Variants in SMC4 observed in about 807,000 individuals in gnomAD.
SMC4 encodes the protein structural maintenance of chromosomes protein 4.
Under a neutral mutation model 145.6 loss-of-function variants are expected in SMC4, and 87 were observed. The observed-to-expected ratio is 0.60, with a 90% CI of 0.50 to 0.71. The LOEUF is 0.71. SMC4 is among the 30% of genes least tolerant of loss of function. The pLI is 0.00. For synonymous variants in SMC4, 558 were observed against 500.7 expected (o/e 1.11, Z -1.53); for missense variants, 1,447 against 1,537.1 (o/e 0.94, Z 0.98).
At chr3:160,425,495 GT>G (rs1253784000) in intron 16 of SMC4, among the ~76,000 whole-genome samples, 2 of 151,504 alleles carry the variant, frequency 1.3e-5, no homozygotes, top group Admixed American at 6.6e-5. Context: ...TGTGCATATG[GT>G]TTTTTTAATG....
intron 9 of SMC4, 125 bp from the exon 10 acceptor site, chr3:160,416,126 T>G (rs113627073): frequency 1.8e-6 from 1 of 543,488 alleles, no homozygotes; most frequent in East Asian, 3.2e-5. Context: ...GCTAGCTAAT[T>G]TAACTCTGAT....
intron 19 of SMC4, 139 bp downstream of exon 19, chr3:160,430,882 T>G: frequency 8.2e-7 from 1 of 1,224,088 alleles, no homozygotes; most frequent in Non-Finnish European, 1.1e-6. Context: ...ATTTGTACAA[T>G]AAGAATACTA....
intron 5 of SMC4, 190 bp downstream of exon 5, chr3:160,404,694 A>G (rs1200925064): frequency 2.7e-6 from 2 of 737,238 alleles, no homozygotes; most frequent in South Asian, 2.7e-5. Flanking sequence ...ATTCAAAACT[A>G]TGTTTTCATC....
intron 5 of SMC4, among the ~76,000 whole-genome samples, chr3:160,406,612 A>G (rs183016923): frequency 1.3e-5 from 2 of 152,220 alleles, no homozygotes; most frequent in Non-Finnish European, 2.9e-5. Flanking sequence ...CATGTAGACT[A>G]TTTGGCCAGT....
At chr3:160,418,907 G>T (rs1008785180) in intron 11 of SMC4, among the ~76,000 whole-genome samples, 9 of 152,028 alleles carry the variant, frequency 5.9e-5, no homozygotes, top group Non-Finnish European at 1.3e-4. Flanking sequence ...CGTTTCAGAG[G>T]TGTGCTTTTT....
At chr3:160,419,691 C>T in intron 12 of SMC4, 148 bp downstream of exon 12, 5 of 736,632 alleles carry the variant, frequency 6.8e-6, no homozygotes, top group Non-Finnish European at 1.0e-5. Flanking sequence ...TATTTTTAAA[C>T]ATTTTGCCCT....
chr3:160,400,735 G>T, intron 1 of SMC4, 87 bp from the exon 2 acceptor site: 1 of 1,378,034 alleles, frequency 7.3e-7, no homozygotes, highest in Non-Finnish European at 9.4e-7. Context: ...GCTCTCGGAA[G>T]CCGGTGGACC....
Position 160,416,362 on chromosome 3 carries a change from G to A in SMC4, c.1384G>A (p.Glu462Lys). Residue 462 changes from glutamate (E) to lysine (K), a missense_variant, in exon 10 of 24, where the codon GAA becomes AAA. By Grantham distance (56) the Glu-to-Lys change is moderately conservative. Transcript: ENST00000357388. Reference protein sequence around the residue: ...EKEKEEKKLKEVMDSLKQETQ... With the variant: ...EKEKEEKKLKKVMDSLKQETQ... ...AGAGAAAGAAGAAAAAAAATTAAAG[G>A]AAGTTATGGATAGCCTTAAACAGGA... 6.2e-7 allele frequency: 1 copy of A among 1,600,578 alleles called. No individual in the cohort carries two copies. The highest frequency in any genetic ancestry group is 8.5e-7 in the Non-Finnish European group (1 of 1,173,852).
chr3:160,418,401 G>C (rs1190189475), intron 11 of SMC4, among the ~76,000 whole-genome samples: 1 of 152,014 alleles, frequency 6.6e-6, no homozygotes, highest in East Asian at 1.9e-4. Context: ...TAGCTTATCG[G>C]TGCCTGTCCC....
At chr3:160,414,334 A>G in intron 8 of SMC4, 33 bp from the exon 9 acceptor site, 1 of 1,549,046 alleles carries the variant, frequency 6.5e-7, no homozygotes, top group Non-Finnish European at 8.9e-7. Context: ...TGCACATTCA[A>G]AATAATGACT....
chr3:160,433,298 GCTTTTTCTTT>G, intron 23 of SMC4, 89 bp downstream of exon 23: 1 of 925,644 alleles, frequency 1.1e-6, no homozygotes, highest in Non-Finnish European at 1.6e-6. Context: ...TTACAATTGA[GCTTTTTCTTT>G]ATTGTCTAAT....
chr3:160,409,048 C>T (rs1024886973), intron 5 of SMC4, among the ~76,000 whole-genome samples: 17 of 151,436 alleles, frequency 1.1e-4, no homozygotes, highest in African/African-American at 2.9e-4. Context: ...GGGCGGATCA[C>T]GAGGTCAGGA....
intron 17 of SMC4, among the ~76,000 whole-genome samples, chr3:160,427,152 T>C (rs1369378475): frequency 1.3e-5 from 2 of 152,208 alleles, no homozygotes; most frequent in Non-Finnish European, 2.9e-5. Context: ...GGCACTCAAA[T>C]AGTATCTGCT....
Position 160,430,866 on chromosome 3 carries a change from A to AC in SMC4, c.2940+123_2940+124insC, listed in dbSNP as rs1718329267. ...TAGACTTAAAGTTTTATAACTATCAATTTTTATTTGTACAATAAGAATACT... is the reference window on the plus strand; with the variant it reads ...TAGACTTAAAGTTTTATAACTATCAACTTTTTATTTGTACAATAAGAATACT... On this transcript the variant is annotated intron_variant, in intron 19 of 23. Coordinates refer to ENST00000357388, the MANE Select transcript of SMC4 (RefSeq NM_001002800.3). 3 of 1,267,962 alleles carry AC rather than the reference A, an allele frequency of 2.4e-6. No homozygotes were observed. The African/African-American group carries it at 4.6e-5, about 19-fold the overall frequency. 78.5% of individuals were successfully genotyped at this position (1,267,962 alleles called of 1,614,324 possible).
chr3:160,423,299 G>A (rs559536916), intron 13 of SMC4, 126 bp from the exon 14 acceptor site: 1 of 716,340 alleles, frequency 1.4e-6, no homozygotes, highest in Non-Finnish European at 2.2e-6. Flanking sequence ...TCTAATTTTA[G>A]AACCTTTTGT....
chr3:160,429,774 T>TGGCGCGATCTCGGCTCACTGCAGC (rs1718187560), intron 18 of SMC4, among the ~76,000 whole-genome samples: 1 of 150,840 alleles, frequency 6.6e-6, no homozygotes. Flanking sequence ...TGGAGTACAG[T>TGGCGCGATCTCGGCTCACTGCAGC]GGCGCGATCT....
In SMC4 at chr3:160,433,121, A is replaced by C. The variant is rs1718589222; in HGVS notation, c.3626A>C (p.His1209Pro). 6.2e-7 allele frequency: 1 copy of C among 1,613,420 alleles called. No individual in the cohort carries two copies. Among genetic ancestry groups the C allele is most frequent in the Non-Finnish European group, 8.5e-7 (1 of 1,179,422 alleles). The change falls in exon 23 of 24, where the codon CAC becomes CCC. Residue 1209 changes from histidine to proline, a missense_variant. Transcript: ENST00000357388. Reference sequence around the variant, plus strand: ...TTGGCTTTAGTATTTGCTCTTCACCACTACAAGCCCACTCCCCTTTACTTC... The same window carrying C: ...TTGGCTTTAGTATTTGCTCTTCACCCCTACAAGCCCACTCCCCTTTACTTC... ...SSLALVFALH[H>P]YKPTPLYFMD...
chr3:160,404,728 G>C, intron 5 of SMC4: 1 of 673,586 alleles, frequency 1.5e-6, no homozygotes. Context: ...TTTATGTTTG[G>C]ATGAACTGAC....
intron 11 of SMC4, 49 bp from the exon 12 acceptor site, chr3:160,419,309 C>A: frequency 8.1e-7 from 1 of 1,237,366 alleles, no homozygotes; most frequent in South Asian, 1.4e-5. Flanking sequence ...TATGACTGGT[C>A]ATATTTAGAA....
Sources: allele counts gnomAD v4.1 joint callset (sites outside exome capture counted in the v4.1 genomes callset), GRCh38; gene constraint gnomAD v4.1.1; transcripts MANE v1.5; gene names NCBI Gene and HGNC (gene_info 2026-07-23, HGNC 2026-07-21).